Variants in SPAG1 observed in about 807,000 individuals in gnomAD.
The protein encoded by SPAG1 is sperm-associated antigen 1.
Under a neutral mutation model 100.5 loss-of-function variants are expected in SPAG1, and 69 were observed. The observed-to-expected ratio is 0.69, with a 90% CI of 0.57 to 0.84. SPAG1 has a LOEUF of 0.84. SPAG1 is among the 40% of genes least tolerant of loss of function. The pLI is 0.00. For missense variants in SPAG1, 955 were observed against 1,133.1 expected (o/e 0.84, Z 2.26); for synonymous variants, 336 against 411.6 (o/e 0.82, Z 2.22).
At position 100,233,553 on chromosome 8, in the gene SPAG1, T is replaced by C. The variant is rs1449023233; in HGVS notation, c.2115+16T>C. 5 of 1,567,946 alleles carry C rather than the reference T, an allele frequency of 3.2e-6. No individual in the cohort carries two copies. In the East Asian group the frequency reaches 7.0e-5, roughly 22 times the overall value. Reference sequence around the variant, plus strand: ...AGGACTCAAGGTGAGGAAATCTTCATTTTAATGCATAAACTTCAGCTCTGA... The same window carrying C: ...AGGACTCAAGGTGAGGAAATCTTCACTTTAATGCATAAACTTCAGCTCTGA... On this transcript the variant is annotated intron_variant, in intron 16 of 18. Coordinates refer to ENST00000388798, the MANE Select transcript of SPAG1 (RefSeq NM_003114.5).
intron 15 of SPAG1, among the ~76,000 whole-genome samples, chr8:100,232,387 ATCC>A (rs1464155306): frequency 6.6e-6 from 1 of 151,828 alleles, no homozygotes; most frequent in Non-Finnish European, 1.5e-5. Context: ...AGGCCATTCC[ATCC>A]TCTCCCCAGG....
chr8:100,193,356 G>C (rs4734004), intron 9 of SPAG1, among the ~76,000 whole-genome samples: 3,789 of 152,190 alleles, frequency 0.025, 369 homozygotes, highest in East Asian at 0.23. Context: ...AGCTACTCGG[G>C]AGGCAGGGGT....
rs548026183 is a variant in SPAG1, at chr8:100,204,150, C to T, written c.1097-8940C>T. Among the ~76,000 whole-genome samples, 7 of 152,258 alleles carry T rather than the reference C, an allele frequency of 4.6e-5. No individual in the cohort carries two copies. The South Asian group carries it at 1.0e-3, about 23-fold the overall frequency. On this transcript the variant is annotated intron_variant, in intron 10 of 18. Transcript: ENST00000388798. ...AGGAGATAAATCCTGCACTGCCTGA[C>T]GCAACAGTGATGGCCTCCCGAGACA...
At chr8:100,219,376 T>G (rs967579100) in intron 12 of SPAG1, among the ~76,000 whole-genome samples, 4 of 152,232 alleles carry the variant, frequency 2.6e-5, no homozygotes, top group African/African-American at 9.6e-5. Flanking sequence ...AGTTAGGTTA[T>G]ATAGAAAGGA....
chr8:100,192,014 T>C (rs1816838038), intron 9 of SPAG1, among the ~76,000 whole-genome samples: 1 of 152,088 alleles, frequency 6.6e-6, no homozygotes, highest in African/African-American at 2.4e-5. Flanking sequence ...ATACAAGATA[T>C]CCTGAGTCAA....
intron 9 of SPAG1, among the ~76,000 whole-genome samples, chr8:100,192,800 C>T (rs1391669579): frequency 6.6e-6 from 1 of 152,158 alleles, no homozygotes; most frequent in Non-Finnish European, 1.5e-5. Context: ...ACATGGCTCA[C>T]TGCAGCCTCC....
chr8:100,183,561 T>G lies in SPAG1; in HGVS notation c.488+125T>G, dbSNP rs1816459575. 3.2e-5 allele frequency: 17 copies of G among 530,434 alleles called. No individual in the cohort carries two copies. The East Asian group carries it at 5.6e-4, about 17-fold the overall frequency. 32.9% of individuals were successfully genotyped at this position (530,434 alleles called of 1,614,324 possible). The stretch of plus-strand genomic sequence containing the variant: ...TGTCAAGAATACCAAATTACTTCAA[T>G]AGAGTACTGAGAATATCTGGCCTCA... On this transcript the variant is annotated intron_variant, in intron 5 of 18. Transcript: ENST00000388798.
chr8:100,184,007 G>C lies in SPAG1; in HGVS notation c.540G>C (p.Lys180Asn), dbSNP rs1816479864. The change falls in exon 6 of 19, where the codon AAG (lysine) becomes AAC (asparagine). Residue 180 changes from lysine (K) to asparagine (N), a missense_variant. Transcript: ENST00000388798. ...CLKIDEDYKE[K>N]TVIDKSHLSK... is the part of the protein sequence containing the mutation. ...AAATTGATGAAGATTACAAAGAAAAGACGGTAATAGACAAGTCACACTTGT... is the reference window on the plus strand; with the variant it reads ...AAATTGATGAAGATTACAAAGAAAACACGGTAATAGACAAGTCACACTTGT... 9 of 1,544,862 alleles carry C rather than the reference G, an allele frequency of 5.8e-6. No homozygotes were observed. Among genetic ancestry groups the C allele is most frequent in the Non-Finnish European group, 7.0e-6 (8 of 1,149,512 alleles).
intron 9 of SPAG1, among the ~76,000 whole-genome samples, chr8:100,192,771 C>T (rs1472026778): frequency 6.6e-6 from 1 of 152,118 alleles, no homozygotes; most frequent in Non-Finnish European, 1.5e-5. Flanking sequence ...TCTGATGCCT[C>T]AACTGTAGTG....
At chr8:100,163,788 T>C (rs1420981812) in intron 2 of SPAG1, among the ~76,000 whole-genome samples, 1 of 152,194 alleles carries the variant, frequency 6.6e-6, no homozygotes, top group Non-Finnish European at 1.5e-5. Context: ...ATATCAATTG[T>C]TTTCCCTTTT....
In SPAG1 at chr8:100,213,923, AC is replaced by A. The variant is rs1456089529; in HGVS notation, c.1535+6del. ...CTGCATTCAAGATTGTAACAGGTAA[AC>A]TGCACGTTTTCAGGTTTGTCAAGAG... On this transcript the variant is annotated splice_donor_region_variant and intron_variant, in intron 12 of 18. Coordinates refer to ENST00000388798, the MANE Select transcript of SPAG1 (RefSeq NM_003114.5). The A allele has an allele frequency of 6.6e-7, 1 of 1,511,370 alleles. No homozygotes were observed. Among genetic ancestry groups the A allele is most frequent in the Non-Finnish European group, 9.2e-7 (1 of 1,092,688 alleles). The allele number at this position is 1,511,370 out of a possible 1,614,324, so 93.6% of individuals were successfully genotyped here.
At chr8:100,201,142 G>A (rs182538181) in intron 10 of SPAG1, among the ~76,000 whole-genome samples, 2 of 150,322 alleles carry the variant, frequency 1.3e-5, no homozygotes, top group African/African-American at 4.9e-5. Flanking sequence ...TTTAGACAAG[G>A]TCTTACTCTG....
At chr8:100,218,228 A>C (rs909014764) in intron 12 of SPAG1, among the ~76,000 whole-genome samples, 1 of 152,154 alleles carries the variant, frequency 6.6e-6, no homozygotes, top group African/African-American at 2.4e-5. Flanking sequence ...GCTTATTTTT[A>C]TACATGGGTG....
chr8:100,241,141 TA>T lies in SPAG1; in HGVS notation c.*123del. 1.2e-6 allele frequency: 1 copy of T among 846,814 alleles called. No individual in the cohort carries two copies. Among genetic ancestry groups the T allele is most frequent in the South Asian group, 2.2e-5 (1 of 45,532 alleles). The allele number at this position is 846,814 out of a possible 1,614,324, so 52.5% of individuals were successfully genotyped here. ...GCCTAGAAAAGTTTGGTCTGCACTA[TA>T]AAACATTTTACTTATTTTCCTACAT... On this transcript the variant is annotated 3_prime_UTR_variant, in exon 19 of 19. Transcript: ENST00000388798. The surrounding 1 kb of genome is among the most constrained non-coding windows in gnomAD (Gnocchi z 5.1).
chr8:100,191,028 G>A (rs1194788238), intron 8 of SPAG1, among the ~76,000 whole-genome samples: 4 of 151,922 alleles, frequency 2.6e-5, no homozygotes, highest in African/African-American at 7.3e-5. Flanking sequence ...AATAATACTC[G>A]CCATAATTAT....
At chr8:100,160,591 C>T (rs1247428214) in intron 1 of SPAG1, among the ~76,000 whole-genome samples, 1 of 145,042 alleles carries the variant, frequency 6.9e-6, no homozygotes, top group African/African-American at 2.6e-5. Flanking sequence ...TGTGTCACTG[C>T]ACTCCAGCCT....
intron 10 of SPAG1, among the ~76,000 whole-genome samples, chr8:100,202,415 GA>G (rs990150271): frequency 6.6e-5 from 10 of 151,454 alleles, no homozygotes; most frequent in African/African-American, 2.4e-4. Flanking sequence ...CCCTTGTCAA[GA>G]ATCAACTGGC....
intron 7 of SPAG1, among the ~76,000 whole-genome samples, chr8:100,185,451 C>T (rs1816545358): frequency 6.6e-6 from 1 of 152,110 alleles, no homozygotes; most frequent in Non-Finnish European, 1.5e-5. Flanking sequence ...CTTTGTAGCA[C>T]TTGTCAGAAG....
At position 100,241,118 on chromosome 8, in the gene SPAG1, C is replaced by G. The variant is rs1210554216; in HGVS notation, c.*96C>G. 1 of 1,383,198 alleles carries G rather than the reference C, an allele frequency of 7.2e-7. No individual in the cohort carries two copies. The highest frequency in any genetic ancestry group is 9.8e-7 in the Non-Finnish European group (1 of 1,017,530). The allele number at this position is 1,383,198 out of a possible 1,614,324, so 85.7% of individuals were successfully genotyped here. The stretch of plus-strand genomic sequence containing the variant: ...AAGAGTTGCATGGATAAAACTTGGC[C>G]TAGAAAAGTTTGGTCTGCACTATAA... On this transcript the variant is annotated 3_prime_UTR_variant, in exon 19 of 19. Coordinates refer to ENST00000388798, the MANE Select transcript of SPAG1 (RefSeq NM_003114.5). This position sits in a 1 kb window ranked among gnomAD's most constrained non-coding sequence, Gnocchi z 5.1.
Sources: gnomAD v4.1 joint callset for allele counts (sites outside exome capture counted in the v4.1 genomes callset) on GRCh38, gnomAD v4.1.1 for gene constraint, Gnocchi (gnomAD v3.1) non-coding constraint, MANE v1.5 for transcripts, NCBI Gene and HGNC (gene_info 2026-07-23, HGNC 2026-07-21) for gene names.